Variants in INSL6 observed in about 807,000 individuals in gnomAD.
INSL6 encodes insulin-like peptide INSL6.
INSL6 carries 16 observed loss-of-function variants against 9.4 expected under a neutral mutation model. The observed-to-expected ratio is 1.70, with a 90% confidence interval of 1.15 to 2.59. The LOEUF is 2.59. Among genes scored for constraint, INSL6 ranks in the 30% most tolerant of loss-of-function variants. The pLI is 0.00. For synonymous variants in INSL6, 154 were observed against 96.9 expected (o/e 1.59, Z -3.46); for missense variants, 391 against 257.3 (o/e 1.52, Z -3.56).
At position 5,155,035 on chromosome 9, in the gene INSL6, T is replaced by C. The variant is rs562238549; in HGVS notation, c.376+9144A>G. ...AAAGACACATGCACACGTATGTTTATTGCGGCACTATTCACAATAGCAAAG... is the reference window on the plus strand; with the variant it reads ...AAAGACACATGCACACGTATGTTTACTGCGGCACTATTCACAATAGCAAAG... On this transcript the variant is annotated intron_variant, in intron 2 of 3. Transcript: ENST00000649639. Among the ~76,000 whole-genome samples, 1,403 of 151,988 alleles carry C rather than the reference T, an allele frequency of 9.2e-3. 19 individuals carry two copies. Among genetic ancestry groups the C allele is most frequent in the African/African-American group, 0.03 (1,254 of 41,416 alleles).
At chr9:5,174,164 A>C (rs1159850395) in intron 1 of INSL6, among the ~76,000 whole-genome samples, 2 of 152,154 alleles carry the variant, frequency 1.3e-5, no homozygotes, top group African/African-American at 4.8e-5. Context: ...CTTACCAGAA[A>C]ACTTATTTCT....
chr9:5,129,398 A>C (rs568306375), intron 3 of INSL6, among the ~76,000 whole-genome samples: 29 of 152,218 alleles, frequency 1.9e-4, no homozygotes, highest in African/African-American at 6.3e-4. Flanking sequence ...GCTTCCTACA[A>C]CTGCTGTCAA....
At chr9:5,001,740 C>G in the INSL6 span, among the ~76,000 whole-genome samples, 1 of 151,676 alleles carries the variant, frequency 6.6e-6, no homozygotes, top group Non-Finnish European at 1.5e-5. Context: ...AGAGTTTATA[C>G]AGAATTGGTA....
At chr9:5,176,834 G>A (rs1253961126) in intron 1 of INSL6, among the ~76,000 whole-genome samples, 2 of 152,008 alleles carry the variant, frequency 1.3e-5, no homozygotes, top group Admixed American at 1.3e-4. Flanking sequence ...AGTTCAGCAT[G>A]GTTGCTGGAT....
chr9:5,146,055 C>T (rs1025363496), intron 2 of INSL6, among the ~76,000 whole-genome samples: 2 of 151,982 alleles, frequency 1.3e-5, no homozygotes, highest in Non-Finnish European at 2.9e-5. Context: ...CATTCTTGTG[C>T]TGATTCTTTC....
At chr9:5,072,349 G>A in the INSL6 span, 1 of 509,544 alleles carries the variant, frequency 2.0e-6, no homozygotes, top group South Asian at 4.1e-5. Flanking sequence ...GCATTAATTT[G>A]GAGTCTTAAA....
At chr9:5,074,973 A>G in the INSL6 span, among the ~76,000 whole-genome samples, 1 of 152,274 alleles carries the variant, frequency 6.6e-6, no homozygotes, top group Admixed American at 6.5e-5. Flanking sequence ...ATAAATTACA[A>G]GAAAGTGAAA....
intron 1 of INSL6, among the ~76,000 whole-genome samples, chr9:5,167,292 C>G (rs1193945309): frequency 6.6e-6 from 1 of 152,198 alleles, no homozygotes; most frequent in Non-Finnish European, 1.5e-5. Context: ...CCACCAGGGC[C>G]TTGGGTTCCA....
chr9:5,058,138 C>T, the INSL6 span, among the ~76,000 whole-genome samples: 175 of 152,232 alleles, frequency 1.1e-3, 2 homozygotes, highest in African/African-American at 3.9e-3. Context: ...GTGAGTAATG[C>T]TGCTGTGAAC....
chr9:5,020,727 G>C, the INSL6 span, among the ~76,000 whole-genome samples: 1 of 152,162 alleles, frequency 6.6e-6, no homozygotes, highest in Non-Finnish European at 1.5e-5. Flanking sequence ...ATATATGGCA[G>C]CCCTTCTGCT....
chr9:5,017,159 T>C, the INSL6 span, among the ~76,000 whole-genome samples: 1 of 152,160 alleles, frequency 6.6e-6, no homozygotes, highest in Admixed American at 6.5e-5. Context: ...ATCTTTAAAG[T>C]TCTGGGGAAA....
chr9:5,022,606 CCAT>C, the INSL6 span, among the ~76,000 whole-genome samples: 1 of 152,098 alleles, frequency 6.6e-6, no homozygotes, highest in Non-Finnish European at 1.5e-5. Flanking sequence ...GGCTGACAAA[CCAT>C]CATTTTCTTC....
the INSL6 span, chr9:5,077,708 T>C: frequency 1.9e-6 from 1 of 521,292 alleles, no homozygotes; most frequent in Non-Finnish European, 3.1e-6. Flanking sequence ...TAGTCTGTGT[T>C]AGGTGATAAA....
At chr9:5,183,478 G>C (rs917624898) in intron 1 of INSL6, among the ~76,000 whole-genome samples, 1 of 152,150 alleles carries the variant, frequency 6.6e-6, no homozygotes, top group African/African-American at 2.4e-5. Context: ...TCTTCCAGGG[G>C]AGTGTGAATA....
At chr9:5,163,082 G>T (rs1483650063), downstream of INSL6, among the ~76,000 whole-genome samples, 7 of 152,144 alleles carry the variant, frequency 4.6e-5, no homozygotes, top group Admixed American at 3.9e-4. Context: ...CATTACTAGT[G>T]GTTCTTGATC....
the INSL6 span, chr9:5,107,968 T>C: frequency 9.2e-5 from 14 of 152,150 alleles, no homozygotes; most frequent in African/African-American, 2.7e-4. Context: ...ACCAATAATA[T>C]GATTCTCTAA....
At chr9:5,102,490 T>C in the INSL6 span, among the ~76,000 whole-genome samples, 1 of 152,164 alleles carries the variant, frequency 6.6e-6, no homozygotes, top group Non-Finnish European at 1.5e-5. Flanking sequence ...CCAGGAGAAC[T>C]TCCCCGACCT....
chr9:5,080,093 G>GTGCACA, the INSL6 span: 2 of 616,854 alleles, frequency 3.2e-6, no homozygotes, highest in Non-Finnish European at 5.6e-6. Flanking sequence ...TCATGTGCAT[G>GTGCACA]TGCACATCCA....
chr9:5,078,632 AT>A, the INSL6 span, among the ~76,000 whole-genome samples: 10 of 152,326 alleles, frequency 6.6e-5, no homozygotes, highest in Middle Eastern at 0.017. Flanking sequence ...TTATAAGCAT[AT>A]AACCATGGAC....
Sources: gnomAD v4.1 joint callset for allele counts (sites outside exome capture counted in the v4.1 genomes callset) on GRCh38, gnomAD v4.1.1 for gene constraint, MANE v1.5 for transcripts, NCBI Gene and HGNC (gene_info 2026-07-23, HGNC 2026-07-21) for gene names.